The following PLCB1 variants were observed in gnomAD, a reference collection of about 807,000 sequenced individuals.
The protein encoded by PLCB1 is phospholipase C beta 1.
PLCB1 carries 46 observed loss-of-function variants against 161.8 expected under a neutral mutation model. That is an observed-to-expected ratio of 0.28 (90% CI 0.22 to 0.36). The LOEUF (loss-of-function observed/expected upper bound fraction) is 0.36, where lower values mean the gene tolerates loss of function less well. Ranked by LOEUF, PLCB1 falls within the 10% of genes least tolerant of loss-of-function variation. The pLI, the probability that PLCB1 is intolerant of heterozygous loss-of-function variation, is 1.00. For synonymous variants in PLCB1, 517 were observed against 503.7 expected (o/e 1.03, Z -0.35); for missense variants, 1,016 against 1,472.5 (o/e 0.69, Z 5.07).
chr20:8,658,961 C>G (rs994737814), intron 9 of PLCB1, among the ~76,000 whole-genome samples: 1 of 152,074 alleles, frequency 6.6e-6, no homozygotes, highest in South Asian at 2.1e-4. Context: ...TATTTTGTTT[C>G]AAATTCACGC....
chr20:8,447,864 C>T (rs1980905372), intron 3 of PLCB1, among the ~76,000 whole-genome samples: 1 of 152,166 alleles, frequency 6.6e-6, no homozygotes, highest in African/African-American at 2.4e-5. Flanking sequence ...CCCTTAATTT[C>T]CCTTTGCACT....
intron 12 of PLCB1, 56 bp downstream of exon 12, chr20:8,708,808 TA>T: frequency 4.0e-6 from 4 of 994,730 alleles, no homozygotes; most frequent in Non-Finnish European, 6.4e-6. Flanking sequence ...GCATACTGAG[TA>T]ATTGTTTATC....
chr20:8,629,994 CTTTCTTTCTTTCTT>C (rs1988526233), intron 4 of PLCB1, among the ~76,000 whole-genome samples: 1 of 72,604 alleles, frequency 1.4e-5, no homozygotes, highest in Non-Finnish European at 2.8e-5. Context: ...TTCTTTCTTT[CTTTCTTTCTTTCTT>C]TCTCTTTCTT....
At chr20:8,350,222 T>C (rs1986139021) in intron 2 of PLCB1, among the ~76,000 whole-genome samples, 1 of 152,166 alleles carries the variant, frequency 6.6e-6, no homozygotes, top group East Asian at 1.9e-4. Flanking sequence ...AGCTATTTTT[T>C]CTGATGCTCT....
At chr20:8,138,851 T>G (rs1028911875) in intron 1 of PLCB1, among the ~76,000 whole-genome samples, 6 of 152,218 alleles carry the variant, frequency 3.9e-5, no homozygotes, top group African/African-American at 1.4e-4. Context: ...CATTACCATG[T>G]GTTAATTCTC....
At chr20:8,181,049 G>A (rs1278715222) in intron 2 of PLCB1, among the ~76,000 whole-genome samples, 2 of 151,690 alleles carry the variant, frequency 1.3e-5, no homozygotes, top group Non-Finnish European at 2.9e-5. Flanking sequence ...TCAGGAGTTC[G>A]AGACCAGCCT....
chr20:8,159,749 A>G (rs1041215735), intron 2 of PLCB1, among the ~76,000 whole-genome samples: 4 of 152,036 alleles, frequency 2.6e-5, no homozygotes, highest in Non-Finnish European at 5.9e-5. Flanking sequence ...GCACTTTGGG[A>G]GGCTGAGTTG....
chr20:8,253,193 T>TACCTC (rs749731955), intron 2 of PLCB1, among the ~76,000 whole-genome samples: 11,075 of 151,998 alleles, frequency 0.073, 499 homozygotes, highest in East Asian at 0.16. Flanking sequence ...TTCAGAGGTA[T>TACCTC]TGACTTCCCT....
At chr20:8,318,372 C>T (rs1166682890) in intron 2 of PLCB1, among the ~76,000 whole-genome samples, 1 of 152,058 alleles carries the variant, frequency 6.6e-6, no homozygotes, top group Admixed American at 6.6e-5. Context: ...GAATTAAGAC[C>T]ATTTTGACTA....
intron 18 of PLCB1, chr20:8,732,274 G>A (rs1258249958): frequency 2.0e-5 from 3 of 152,018 alleles, no homozygotes; most frequent in African/African-American, 7.2e-5. Flanking sequence ...GCATGGAGAA[G>A]TCCATTCTCA....
intron 7 of PLCB1, among the ~76,000 whole-genome samples, chr20:8,653,724 C>T (rs543365035): frequency 3.3e-5 from 5 of 151,804 alleles, no homozygotes; most frequent in Admixed American, 2.0e-4. Context: ...AAATATATAA[C>T]GAAGAAAATG....
intron 15 of PLCB1, among the ~76,000 whole-genome samples, chr20:8,724,173 T>TTC (rs1275000170): frequency 4.4e-5 from 1 of 22,690 alleles, no homozygotes; most frequent in East Asian, 8.2e-3. Flanking sequence ...ATAAGTTTAT[T>TTC]TATATAAAAA....
At chr20:8,400,336 T>C (rs1343851666) in intron 3 of PLCB1, among the ~76,000 whole-genome samples, 1 of 152,212 alleles carries the variant, frequency 6.6e-6, no homozygotes, top group Non-Finnish European at 1.5e-5. Context: ...TTCTTACCAC[T>C]GATTACCAGG....
intron 27 of PLCB1, among the ~76,000 whole-genome samples, chr20:8,786,874 T>C (rs554795272): frequency 1.8e-4 from 28 of 152,120 alleles, no homozygotes; most frequent in Admixed American, 1.7e-3. Context: ...TGGCTAACTT[T>C]CTGTATTTTT....
chr20:8,815,444 T>A (rs77077740), intron 31 of PLCB1, among the ~76,000 whole-genome samples: 4,031 of 152,310 alleles, frequency 0.026, 168 homozygotes, highest in African/African-American at 0.092. Flanking sequence ...ATTTATCATC[T>A]TGCAACGGTG....
intron 3 of PLCB1, among the ~76,000 whole-genome samples, chr20:8,626,686 C>T (rs1535067): frequency 0.23 from 34,722 of 151,978 alleles, 4,306 homozygotes; most frequent in Admixed American, 0.32. Flanking sequence ...TGATTTAAAA[C>T]GTGTGATTTA....
intron 10 of PLCB1, among the ~76,000 whole-genome samples, chr20:8,696,199 A>G (rs1990579979): frequency 6.6e-6 from 1 of 152,202 alleles, no homozygotes; most frequent in Non-Finnish European, 1.5e-5. Context: ...GTAAGGATCC[A>G]AGTTCTTCTT....
chr20:8,291,745 C>T (rs1600291415), intron 2 of PLCB1, among the ~76,000 whole-genome samples: 1 of 152,282 alleles, frequency 6.6e-6, no homozygotes, highest in East Asian at 1.9e-4. Context: ...CATAACTTCA[C>T]CATGGTGTAG....
In PLCB1 at chr20:8,662,289, T is replaced by C. The variant is rs866204155; in HGVS notation, c.862+3585T>C. Among the ~76,000 whole-genome samples, 257 of 120,926 alleles carry C rather than the reference T, an allele frequency of 2.1e-3. 4 individuals carry two copies. The highest frequency in any genetic ancestry group is 0.01 in the Middle Eastern group (1 of 98). 79.3% of individuals were successfully genotyped at this position (120,926 alleles called of 152,430 possible). On this transcript the variant is annotated intron_variant, in intron 9 of 31. Coordinates refer to ENST00000338037, the MANE Select transcript of PLCB1 (RefSeq NM_015192.4). ...TAAGTATTTATTATATAATTATGTA[T>C]ATAATTATTTATTATATAATTATGT...
Sources: gnomAD v4.1 joint callset for allele counts (sites outside exome capture counted in the v4.1 genomes callset) on GRCh38, gnomAD v4.1.1 for gene constraint, MANE v1.5 for transcripts, NCBI Gene and HGNC (gene_info 2026-07-23, HGNC 2026-07-21) for gene names.